BLTP1: variants seen among roughly 807,000 people sequenced by gnomAD.
The protein encoded by BLTP1 is bridge-like lipid transfer protein family member 1, also known as fragile site-associated protein.
At chr4:122,203,985 C>A in the BLTP1 span, 1 of 266,656 alleles carries the variant, frequency 3.8e-6, no homozygotes, top group Non-Finnish European at 5.8e-6. Context: ...GCAATCGTAT[C>A]TCAATCTTTT....
the BLTP1 span, among the ~76,000 whole-genome samples, chr4:122,357,613 G>C: frequency 6.6e-6 from 1 of 151,028 alleles, no homozygotes; most frequent in Non-Finnish European, 1.5e-5. Flanking sequence ...TCTGGAATTA[G>C]CTAATACATT....
the BLTP1 span, among the ~76,000 whole-genome samples, chr4:122,283,979 T>G: frequency 6.6e-6 from 1 of 152,222 alleles, no homozygotes; most frequent in African/African-American, 2.4e-5. Flanking sequence ...TCTTCTTTAA[T>G]GTTTTTGTAT....
chr4:122,204,729 G>A, the BLTP1 span: 13 of 508,342 alleles, frequency 2.6e-5, no homozygotes, highest in East Asian at 1.5e-4. Context: ...GGTTATATCC[G>A]GAGATGATTT....
At chr4:122,361,609 A>AAT in the BLTP1 span, among the ~76,000 whole-genome samples, 9 of 152,302 alleles carry the variant, frequency 5.9e-5, no homozygotes, top group African/African-American at 2.2e-4. Flanking sequence ...CGTATAAGGA[A>AAT]ATAGCAAGAA....
the BLTP1 span, among the ~76,000 whole-genome samples, chr4:122,181,597 G>A: frequency 6.6e-6 from 1 of 151,606 alleles, no homozygotes; most frequent in Non-Finnish European, 1.5e-5. Context: ...TATAATGATT[G>A]TATAAGCTGC....
the BLTP1 span, chr4:122,198,229 A>G: frequency 4.6e-4 from 449 of 978,574 alleles, 2 homozygotes; most frequent in African/African-American, 7.3e-3. Context: ...CTCTGAGGCT[A>G]TTTTAGTGAA....
chr4:122,359,848 A>G, the BLTP1 span: 42 of 1,399,272 alleles, frequency 3.0e-5, no homozygotes, highest in African/African-American at 4.4e-5. Flanking sequence ...TGTAATGTCT[A>G]TAGCTTCTGT....
the BLTP1 span, chr4:122,316,652 T>A: frequency 1.3e-6 from 2 of 1,542,076 alleles, no homozygotes; most frequent in Non-Finnish European, 1.8e-6. Flanking sequence ...TGCTTTGATT[T>A]AAGGTGTTAA....
the BLTP1 span, chr4:122,240,456 T>A: frequency 1.0e-6 from 1 of 955,416 alleles, no homozygotes; most frequent in Non-Finnish European, 1.5e-6. Flanking sequence ...GCTACCTTTC[T>A]GAGAGAGAGA....
At chr4:122,356,311 A>T in the BLTP1 span, among the ~76,000 whole-genome samples, 1 of 152,186 alleles carries the variant, frequency 6.6e-6, no homozygotes, top group Admixed American at 6.5e-5. Context: ...GAACACTGAC[A>T]TGACACAGGA....
the BLTP1 span, chr4:122,180,067 C>T: frequency 1.0e-6 from 1 of 984,694 alleles, no homozygotes; most frequent in Admixed American, 6.2e-5. Flanking sequence ...CACACACACA[C>T]ACACACGGCT....
the BLTP1 span, chr4:122,350,215 C>T: frequency 4.9e-6 from 7 of 1,432,568 alleles, no homozygotes. Context: ...TAGCAAAGGA[C>T]CAGAATTTCT....
At chr4:122,305,079 ATATT>A in the BLTP1 span, 1 of 1,294,982 alleles carries the variant, frequency 7.7e-7, no homozygotes, top group African/African-American at 1.5e-5. Context: ...ATTTACAAAA[ATATT>A]TAGTTTAATT....
chr4:122,282,972 TATC>T, the BLTP1 span, among the ~76,000 whole-genome samples: 1 of 152,300 alleles, frequency 6.6e-6, no homozygotes, highest in East Asian at 1.9e-4. Flanking sequence ...AACTCTTTGA[TATC>T]ATGTTTATAT....
At chr4:122,246,117 A>T in the BLTP1 span, 2 of 1,524,764 alleles carry the variant, frequency 1.3e-6, no homozygotes, top group Non-Finnish European at 1.8e-6. Context: ...AGTTATGAAA[A>T]GCTTGTGAAA....
At chr4:122,246,240 C>T in the BLTP1 span, 241 of 1,606,234 alleles carry the variant, frequency 1.5e-4, 2 homozygotes, top group African/African-American at 2.9e-3. Flanking sequence ...ACAAATCTTA[C>T]AATGAAGCAA....
At chr4:122,340,812 C>A in the BLTP1 span, 11 of 959,524 alleles carry the variant, frequency 1.1e-5, no homozygotes, top group Non-Finnish European at 1.2e-5. Context: ...ATAAAAGTTA[C>A]ACTCACTATT....
At chr4:122,238,198 TA>T in the BLTP1 span, 2 of 1,614,036 alleles carry the variant, frequency 1.2e-6, no homozygotes, top group Non-Finnish European at 1.7e-6. Context: ...TACGATCTCA[TA>T]GTTCATCCTC....
chr4:122,155,902 G>C, the BLTP1 span: 2 of 447,258 alleles, frequency 4.5e-6, no homozygotes, highest in Non-Finnish European at 5.9e-6. Context: ...TAGATGTAAA[G>C]AGGGTAGATG....
Sources: allele counts gnomAD v4.1 joint callset (sites outside exome capture counted in the v4.1 genomes callset), GRCh38; gene constraint gnomAD v4.1.1; transcripts MANE v1.5; gene names NCBI Gene and HGNC (gene_info 2026-07-23, HGNC 2026-07-21).